The following TMEFF2 variants were observed in gnomAD, a reference collection of about 807,000 sequenced individuals.
TMEFF2 encodes tomoregulin-2.
TMEFF2 carries 28 observed loss-of-function variants against 53.8 expected under a neutral mutation model. The observed-to-expected ratio is 0.52, with a 90% CI of 0.39 to 0.71. The LOEUF is 0.71. Among genes scored for constraint, TMEFF2 ranks in the 30% least tolerant of loss-of-function variants. The pLI is 0.00. For synonymous variants in TMEFF2, 162 were observed against 166.3 expected (o/e 0.97, Z 0.20); for missense variants, 353 against 455.2 (o/e 0.78, Z 2.04).
rs542854095 is a variant in TMEFF2 at position 192,071,672 on chromosome 2, T to A, written c.440-13897A>T. ...AGTAATTGCATATAACCTATGCACA[T>A]CCTCTCATCTACTTTAAATCATCTC... On this transcript the variant is annotated intron_variant, in intron 4 of 9. Transcript: ENST00000272771. Among the ~76,000 whole-genome samples, 173 of 152,000 alleles carry A rather than the reference T, an allele frequency of 1.1e-3. 1 individual carries two copies. The highest frequency in any genetic ancestry group is 7.3e-3 in the Admixed American group (111 of 15,232).
At chr2:191,995,073 A>G (rs182562952) in intron 7 of TMEFF2, among the ~76,000 whole-genome samples, 1 of 151,904 alleles carries the variant, frequency 6.6e-6, no homozygotes, top group Admixed American at 6.6e-5. Flanking sequence ...AGTATGCCAC[A>G]CTCTAGTATA....
chr2:192,041,887 C>A (rs930382516), intron 5 of TMEFF2, among the ~76,000 whole-genome samples: 1 of 151,964 alleles, frequency 6.6e-6, no homozygotes, highest in Non-Finnish European at 1.5e-5. Flanking sequence ...GGTTTGGGTG[C>A]CCCAAAACAA....
At chr2:192,169,616 C>G (rs2356953) in intron 4 of TMEFF2, among the ~76,000 whole-genome samples, 106,600 of 152,036 alleles carry the variant, frequency 0.7, 38,127 homozygotes, top group African/African-American at 0.86. Flanking sequence ...AAATATTTTA[C>G]GTAGGCAAGT....
At chr2:192,136,686 C>T (rs1164104278) in intron 4 of TMEFF2, among the ~76,000 whole-genome samples, 1 of 151,996 alleles carries the variant, frequency 6.6e-6, no homozygotes, top group Non-Finnish European at 1.5e-5. Flanking sequence ...TCCTCCATCT[C>T]CCCGCTCTCT....
chr2:191,974,593 T>C (rs1261899746), intron 7 of TMEFF2, among the ~76,000 whole-genome samples: 1 of 152,198 alleles, frequency 6.6e-6, no homozygotes, highest in East Asian at 1.9e-4. Flanking sequence ...TTTATTTATT[T>C]ACATCTGGTC....
chr2:192,101,815 T>C (rs370835250), intron 4 of TMEFF2, among the ~76,000 whole-genome samples: 3 of 152,316 alleles, frequency 2.0e-5, no homozygotes, highest in South Asian at 4.1e-4. Context: ...AACGAAATAT[T>C]AGGCAACCTA....
intron 7 of TMEFF2, among the ~76,000 whole-genome samples, chr2:191,964,367 TC>T (rs1262604292): frequency 2.9e-5 from 2 of 68,266 alleles, no homozygotes; most frequent in Non-Finnish European, 5.8e-5. Context: ...TTTCTTTCTT[TC>T]TTTCTCTTTC....
intron 4 of TMEFF2, among the ~76,000 whole-genome samples, chr2:192,146,426 T>C (rs913808754): frequency 2.0e-5 from 3 of 152,054 alleles, no homozygotes; most frequent in Non-Finnish European, 1.5e-5. Context: ...TTGTAATTAA[T>C]TTTTCACATT....
At chr2:192,033,254 G>A (rs1316531516) in intron 5 of TMEFF2, among the ~76,000 whole-genome samples, 1 of 152,174 alleles carries the variant, frequency 6.6e-6, no homozygotes, top group African/African-American at 2.4e-5. Flanking sequence ...CATAGGCAAA[G>A]ATACTTTTGA....
At chr2:192,020,139 C>A (rs1263435323) in intron 5 of TMEFF2, among the ~76,000 whole-genome samples, 1 of 152,072 alleles carries the variant, frequency 6.6e-6, no homozygotes, top group Non-Finnish European at 1.5e-5. Context: ...TTCTTCCCTA[C>A]CCTCTTTTCC....
In TMEFF2 at chr2:192,075,285, TTATATATATATATATATATATATATATA is replaced by T. The variant is rs111733023; in HGVS notation, c.440-17538_440-17511del. Among the ~76,000 whole-genome samples the T allele has an allele frequency of 3.5e-4, 23 of 65,760 alleles. 1 individual carries two copies. Among genetic ancestry groups the T allele is most frequent in the East Asian group, 4.3e-3 (2 of 470 alleles). 43.1% of individuals were successfully genotyped at this position (65,760 alleles called of 152,430 possible). A position where few individuals can be genotyped will look rare whatever the true frequency, so the allele number is the denominator to read the frequency against. On this transcript the variant is annotated intron_variant, in intron 4 of 9. Transcript: ENST00000272771. ...TTATTATACCCAGAGTACAGTACTA[TTATATATATATATATATATATATATATA>T]TATATATATATATATATATACATAC...
intron 7 of TMEFF2, among the ~76,000 whole-genome samples, chr2:191,964,348 C>CTT (rs752414613): frequency 1.9e-5 from 2 of 104,532 alleles, no homozygotes; most frequent in African/African-American, 4.4e-5. Context: ...TTCTTTCTTT[C>CTT]TTTCTTTCTT....
chr2:191,985,222 A>G (rs1486631736), intron 7 of TMEFF2, among the ~76,000 whole-genome samples: 1 of 152,160 alleles, frequency 6.6e-6, no homozygotes, highest in East Asian at 1.9e-4. Flanking sequence ...AGATGTAGAT[A>G]CAATATTTTA....
intron 4 of TMEFF2, among the ~76,000 whole-genome samples, chr2:192,153,177 TA>T (rs1690429138): frequency 6.6e-6 from 1 of 151,710 alleles, no homozygotes; most frequent in South Asian, 2.1e-4. Flanking sequence ...CTAGACCTTT[TA>T]AAAGAAGTAG....
intron 4 of TMEFF2, among the ~76,000 whole-genome samples, chr2:192,124,824 A>G (rs930945402): frequency 1.1e-4 from 17 of 152,190 alleles, no homozygotes; most frequent in Non-Finnish European, 1.6e-4. Context: ...TTTTGTCACA[A>G]GCCAAGGGTG....
chr2:192,108,944 C>CAT (rs949410457), intron 4 of TMEFF2, among the ~76,000 whole-genome samples: 1 of 151,936 alleles, frequency 6.6e-6, no homozygotes, highest in East Asian at 1.9e-4. Context: ...CACAAAAAGA[C>CAT]ATATAGTTCA....
At chr2:192,033,886 C>CT (rs1349777260) in intron 5 of TMEFF2, among the ~76,000 whole-genome samples, 5 of 151,948 alleles carry the variant, frequency 3.3e-5, no homozygotes, top group African/African-American at 1.2e-4. Flanking sequence ...TTAAAAAATC[C>CT]TTTTTTTGGC....
At chr2:192,012,867 T>TA (rs1349634497) in intron 5 of TMEFF2, among the ~76,000 whole-genome samples, 10 of 152,228 alleles carry the variant, frequency 6.6e-5, no homozygotes, top group African/African-American at 2.4e-4. Flanking sequence ...TTAGTAAAAA[T>TA]GTATACAAAT....
At chr2:192,126,686 A>T (rs534755415) in intron 4 of TMEFF2, among the ~76,000 whole-genome samples, 1 of 152,340 alleles carries the variant, frequency 6.6e-6, no homozygotes, top group East Asian at 1.9e-4. Flanking sequence ...GATGTTTTAC[A>T]TTCATGATCT....
Sources: gnomAD v4.1 joint callset for allele counts (sites outside exome capture counted in the v4.1 genomes callset) on GRCh38, gnomAD v4.1.1 for gene constraint, MANE v1.5 for transcripts, NCBI Gene and HGNC (gene_info 2026-07-23, HGNC 2026-07-21) for gene names.